CREM: variants seen among roughly 807,000 people sequenced by gnomAD.
CREM encodes cAMP responsive element modulator, also known as cAMP-responsive element modulator.
In CREM, 13 loss-of-function variants were observed where a neutral mutation model predicts 37.3. The ratio of observed to expected loss-of-function variants is 0.35; its 90% CI spans 0.23 to 0.55. The LOEUF (loss-of-function observed/expected upper bound fraction) is 0.55. CREM is among the 20% of genes least tolerant of loss of function. CREM has a pLI of 0.88. For missense variants in CREM, 296 were observed against 362.3 expected, an observed-to-expected ratio of 0.82 and a Z score of 1.49; for synonymous variants, 124 against 120.2, an observed-to-expected ratio of 1.03 and a Z score of -0.21.
At chr10:35,201,570 A>G in intron 6 of CREM, 1 of 1,517,584 alleles carries the variant, frequency 6.6e-7, no homozygotes, top group Non-Finnish European at 8.9e-7. Context: ...GCAAAGAGAG[A>G]TATGTAGTTA....
intron 3 of CREM, among the ~76,000 whole-genome samples, chr10:35,152,073 TGAG>T (rs2092635728): frequency 6.6e-6 from 1 of 152,208 alleles, no homozygotes; most frequent in South Asian, 2.1e-4. Flanking sequence ...TCTTCAGACT[TGAG>T]GATTGTAAAT....
intron 3 of CREM, among the ~76,000 whole-genome samples, chr10:35,173,203 G>C (rs2093903540): frequency 6.6e-6 from 1 of 152,188 alleles, no homozygotes; most frequent in Admixed American, 6.5e-5. Context: ...TAATGTAACT[G>C]ATACTGTCTC....
intron 2 of CREM, 133 bp from the exon 3 acceptor site, chr10:35,148,235 A>C (rs1365524149): frequency 2.4e-6 from 2 of 834,032 alleles, no homozygotes; most frequent in African/African-American, 3.5e-5. Flanking sequence ...TTGTGGCATC[A>C]TGTAAATGCT....
chr10:35,149,939 C>CACACACACACACACACACA (rs1554890903), intron 3 of CREM, among the ~76,000 whole-genome samples: 51 of 145,098 alleles, frequency 3.5e-4, no homozygotes, highest in South Asian at 6.6e-4. Flanking sequence ...CACACACACA[C>CACACACACACACACACACA]CCTTGTTAAA....
chr10:35,194,361 A>T (rs2095058832), intron 6 of CREM, among the ~76,000 whole-genome samples: 1 of 152,208 alleles, frequency 6.6e-6, no homozygotes, highest in Admixed American at 6.5e-5. Context: ...TTTATTTATG[A>T]ATTTTAAAAA....
At chr10:35,197,693 G>A (rs1241118300) in intron 6 of CREM, among the ~76,000 whole-genome samples, 5 of 152,254 alleles carry the variant, frequency 3.3e-5, no homozygotes, top group Non-Finnish European at 5.9e-5. Flanking sequence ...TCCTGACCTC[G>A]TGATCCGCCT....
chr10:35,205,391 A>G (rs1016267702), intron 6 of CREM, among the ~76,000 whole-genome samples: 4 of 152,206 alleles, frequency 2.6e-5, no homozygotes, highest in African/African-American at 9.7e-5. Context: ...CTTTCCCCAG[A>G]GAAACTAGGT....
chr10:35,181,842 T>C (rs1374583101), intron 5 of CREM, among the ~76,000 whole-genome samples: 1 of 152,182 alleles, frequency 6.6e-6, no homozygotes, highest in Non-Finnish European at 1.5e-5. Flanking sequence ...CACTGCACTG[T>C]CCAACCTGGG....
chr10:35,206,783 CA>C (rs2095535625), intron 6 of CREM, 111 bp from the exon 7 acceptor site: 4 of 973,620 alleles, frequency 4.1e-6, no homozygotes, highest in South Asian at 4.0e-5. Flanking sequence ...TTAAACATTA[CA>C]AGATCACCTC....
At chr10:35,180,354 CTTAAT>C (rs895743256) in intron 5 of CREM, among the ~76,000 whole-genome samples, 6 of 152,070 alleles carry the variant, frequency 3.9e-5, no homozygotes, top group African/African-American at 1.2e-4. Flanking sequence ...AAACTCAAGT[CTTAAT>C]TTAAGTCCTG....
chr10:35,184,254 A>AT (rs1216435167), intron 5 of CREM, among the ~76,000 whole-genome samples: 1 of 152,196 alleles, frequency 6.6e-6, no homozygotes, highest in Non-Finnish European at 1.5e-5. Flanking sequence ...CATCTCTTAA[A>AT]TAAATAGCTA....
At chr10:35,130,493 C>T (rs372643214) in intron 1 of CREM, among the ~76,000 whole-genome samples, 53 of 152,200 alleles carry the variant, frequency 3.5e-4, no homozygotes, top group Admixed American at 1.2e-3. Context: ...TATGGAAATG[C>T]CTTAAGTCTT....
chr10:35,167,454 C>T, intron 3 of CREM: 1 of 403,658 alleles, frequency 2.5e-6, no homozygotes, highest in Non-Finnish European at 4.4e-6. Context: ...TTTTAAAATC[C>T]TTTATTGTCT....
chr10:35,181,098 G>C (rs1054269782), intron 5 of CREM, among the ~76,000 whole-genome samples: 2 of 152,240 alleles, frequency 1.3e-5, no homozygotes, highest in Non-Finnish European at 2.9e-5. Context: ...TAGGGAAGCA[G>C]ATGCTGTAGG....
At chr10:35,127,544 C>CGGAAAA (rs1410846367) in intron 1 of CREM, 1 of 152,336 alleles carries the variant, frequency 6.6e-6, no homozygotes, top group African/African-American at 2.4e-5. Flanking sequence ...CGGTTTAACT[C>CGGAAAA]GGAAAAGGAA....
At chr10:35,156,426 T>A (rs902539421) in intron 3 of CREM, among the ~76,000 whole-genome samples, 4 of 152,072 alleles carry the variant, frequency 2.6e-5, no homozygotes, top group African/African-American at 9.7e-5. Flanking sequence ...ACTTGTAAGT[T>A]TTTTGTAGAG....
At chr10:35,148,273 C>T in intron 2 of CREM, 95 bp from the exon 3 acceptor site, 1 of 1,270,200 alleles carries the variant, frequency 7.9e-7, no homozygotes, top group Non-Finnish European at 1.1e-6. Flanking sequence ...TGGAGCATTT[C>T]AGATTTTGGA....
chr10:35,206,297 T>C (rs991655099), intron 6 of CREM, among the ~76,000 whole-genome samples: 7 of 151,806 alleles, frequency 4.6e-5, no homozygotes, highest in African/African-American at 1.7e-4. Context: ...TATACATGCA[T>C]ATATATATGC....
chr10:35,189,812 A>G (rs2094834681), intron 6 of CREM, among the ~76,000 whole-genome samples: 1 of 152,206 alleles, frequency 6.6e-6, no homozygotes, highest in Non-Finnish European at 1.5e-5. Flanking sequence ...AACGTTAAGG[A>G]AAGTAAAATC....
Sources: allele counts gnomAD v4.1 joint callset (sites outside exome capture counted in the v4.1 genomes callset), GRCh38; gene constraint gnomAD v4.1.1; transcripts MANE v1.5; gene names NCBI Gene and HGNC (gene_info 2026-07-23, HGNC 2026-07-21).